Variants in SH3RF3 observed in about 807,000 individuals in gnomAD.
The protein encoded by SH3RF3 is E3 ubiquitin-protein ligase SH3RF3.
SH3RF3 carries 29 observed loss-of-function variants against 66.3 expected under a neutral mutation model. The ratio of observed to expected loss-of-function variants is 0.44; its 90% CI spans 0.33 to 0.60. The LOEUF (loss-of-function observed/expected upper bound fraction) is 0.60, where lower values mean the gene tolerates loss of function less well. SH3RF3 is among the 20% of genes least tolerant of loss of function. The pLI is 0.04. For missense variants in SH3RF3, 1,194 were observed against 1,190.9 expected, an observed-to-expected ratio of 1.00 and a Z score of -0.04; for synonymous variants, 583 against 532.0, an observed-to-expected ratio of 1.10 and a Z score of -1.32.
intron 1 of SH3RF3, among the ~76,000 whole-genome samples, chr2:109,192,042 A>G (rs182506914): frequency 6.6e-6 from 1 of 152,298 alleles, no homozygotes; most frequent in East Asian, 1.9e-4. Context: ...CAATTTGAAA[A>G]GCATTGAATT....
At chr2:109,390,980 C>G (rs1170193283) in intron 3 of SH3RF3, among the ~76,000 whole-genome samples, 1 of 152,214 alleles carries the variant, frequency 6.6e-6, no homozygotes, top group African/African-American at 2.4e-5. Flanking sequence ...CCAACTGCCC[C>G]CAAGCAGCTA....
chr2:109,257,711 CAGTT>C (rs1202740379), intron 1 of SH3RF3, among the ~76,000 whole-genome samples: 10 of 152,254 alleles, frequency 6.6e-5, no homozygotes, highest in South Asian at 6.2e-4. Context: ...CTGAAGTAGA[CAGTT>C]AGAGCTCCCT....
chr2:109,141,329 G>C (rs978579328), intron 1 of SH3RF3, among the ~76,000 whole-genome samples: 1 of 152,158 alleles, frequency 6.6e-6, no homozygotes, highest in African/African-American at 2.4e-5. Context: ...CTTTCTGGAG[G>C]CAGCCTCTCG....
At chr2:109,423,345 C>T (rs114711547) in intron 5 of SH3RF3, among the ~76,000 whole-genome samples, 1,659 of 151,134 alleles carry the variant, frequency 0.011, 27 homozygotes, top group African/African-American at 0.038. Flanking sequence ...GCAGGGATGA[C>T]CTCGCAGACC....
intron 1 of SH3RF3, among the ~76,000 whole-genome samples, chr2:109,211,129 C>T (rs776053424): frequency 1.3e-5 from 2 of 152,122 alleles, no homozygotes; most frequent in South Asian, 2.1e-4. Flanking sequence ...CTGGAGAAAA[C>T]GTTACTTGCA....
At chr2:109,401,364 G>T (rs1330504493) in intron 4 of SH3RF3, among the ~76,000 whole-genome samples, 2 of 152,210 alleles carry the variant, frequency 1.3e-5, no homozygotes, top group Admixed American at 1.3e-4. Context: ...GGCCCTTGTG[G>T]ACCACTTGGG....
rs6023961 is a variant in SH3RF3 at position 109,310,719 on chromosome 2, C to G, written c.574-36955C>G. ...TCAGAGAATACTACAAACACCTCTA[C>G]GCAAATAAACTAGAAAATCTAGAAG... On this transcript the variant is annotated intron_variant, in intron 1 of 9. Coordinates refer to ENST00000309415, the MANE Select transcript of SH3RF3 (RefSeq NM_001099289.3). Among the ~76,000 whole-genome samples the G allele has an allele frequency of 1.8e-4, 13 of 71,430 alleles. 2 individuals are homozygous for G. The highest frequency in any genetic ancestry group is 5.0e-4 in the South Asian group (1 of 2,006). 46.9% of individuals were successfully genotyped at this position (71,430 alleles called of 152,430 possible). A position where few individuals can be genotyped will look rare whatever the true frequency, so the allele number is the denominator to read the frequency against.
intron 1 of SH3RF3, among the ~76,000 whole-genome samples, chr2:109,130,718 TCTC>T (rs1676673626): frequency 6.6e-6 from 1 of 152,210 alleles, no homozygotes; most frequent in Admixed American, 6.5e-5. Context: ...GCCAAGGTCT[TCTC>T]CTGGGCTCCC....
chr2:109,447,816 A>G (rs918221745), intron 7 of SH3RF3, among the ~76,000 whole-genome samples: 2 of 152,224 alleles, frequency 1.3e-5, no homozygotes, highest in African/African-American at 4.8e-5. Context: ...GATTTTTGCA[A>G]ATGTTACAAC....
In SH3RF3 at chr2:109,435,747, AT is replaced by A. The variant is rs1463119985; in HGVS notation, c.1575-1143del. Among the ~76,000 whole-genome samples the A allele has an allele frequency of 4.6e-5, 7 of 152,238 alleles. No homozygotes were observed. The East Asian group carries it at 1.3e-3, about 29-fold the overall frequency. On this transcript the variant is annotated intron_variant, in intron 6 of 9. Coordinates refer to ENST00000309415, the MANE Select transcript of SH3RF3 (RefSeq NM_001099289.3). ...TCACCTTGCAAATTAGTGACTCATC[AT>A]TTGTGAGCCCACTTTATTTAGTTTT...
At chr2:109,275,308 G>A (rs1466701244) in intron 1 of SH3RF3, among the ~76,000 whole-genome samples, 1 of 152,118 alleles carries the variant, frequency 6.6e-6, no homozygotes, top group Non-Finnish European at 1.5e-5. Flanking sequence ...GGCACACCAG[G>A]GGAAATCAGA....
intron 8 of SH3RF3, among the ~76,000 whole-genome samples, chr2:109,456,072 C>T (rs1173995148): frequency 1.3e-5 from 2 of 152,240 alleles, no homozygotes; most frequent in Non-Finnish European, 2.9e-5. Flanking sequence ...TGATGCATCG[C>T]TGGGCTCCCA....
At chr2:109,192,835 A>C (rs1678401230) in intron 1 of SH3RF3, among the ~76,000 whole-genome samples, 1 of 152,182 alleles carries the variant, frequency 6.6e-6, no homozygotes, top group Non-Finnish European at 1.5e-5. Flanking sequence ...GCTTTGATTC[A>C]CCATACATTT....
intron 7 of SH3RF3, among the ~76,000 whole-genome samples, chr2:109,440,326 C>T (rs906808324): frequency 6.6e-6 from 1 of 152,102 alleles, no homozygotes; most frequent in African/African-American, 2.4e-5. Context: ...GGCCAGGGGC[C>T]CATGGACGCT....
At chr2:109,357,881 GTTAGTGCA>G in intron 2 of SH3RF3, among the ~76,000 whole-genome samples, 1 of 152,292 alleles carries the variant, frequency 6.6e-6, no homozygotes, top group Admixed American at 6.5e-5. Flanking sequence ...ACTCACCAGA[GTTAGTGCA>G]TTTGTTACAA....
At chr2:109,264,552 G>A (rs978165084) in intron 1 of SH3RF3, among the ~76,000 whole-genome samples, 2 of 152,278 alleles carry the variant, frequency 1.3e-5, no homozygotes, top group African/African-American at 4.8e-5. Context: ...GCCAAAGCCA[G>A]GCTTTTTGTA....
chr2:109,449,397 A>G lies in SH3RF3; in HGVS notation c.2056A>G (p.Asn686Asp). ...TPPNVSAANL[N>D]GEAGGGPIGV... ...TCCCAACGTCAGTGCCGCAAACCTCAACGGGGAGGCTGGAGGGGGGCCCAT... is the reference window on the plus strand; with the variant it reads ...TCCCAACGTCAGTGCCGCAAACCTCGACGGGGAGGCTGGAGGGGGGCCCAT... The change falls in exon 8 of 10, where the codon AAC (asparagine) becomes GAC (aspartate). Residue 686 changes from asparagine to aspartate, a missense_variant. Physicochemically the swap from Asn to Asp is conservative, Grantham distance 23 (BLOSUM62 1). Coordinates refer to ENST00000309415, the MANE Select transcript of SH3RF3 (RefSeq NM_001099289.3). The G allele has an allele frequency of 6.2e-7, 1 of 1,613,020 alleles. No homozygotes were observed.
intron 1 of SH3RF3, among the ~76,000 whole-genome samples, chr2:109,303,887 T>C (rs1179290010): frequency 6.6e-6 from 1 of 152,128 alleles, no homozygotes; most frequent in African/African-American, 2.4e-5. Context: ...TTATTAACAT[T>C]GTTATTATTT....
At chr2:109,282,141 G>A (rs914145204) in intron 1 of SH3RF3, among the ~76,000 whole-genome samples, 1 of 152,144 alleles carries the variant, frequency 6.6e-6, no homozygotes, top group Admixed American at 6.5e-5. Flanking sequence ...TCCCTAAGGA[G>A]CAGTTTCTGA....
Sources: gnomAD v4.1 joint callset for allele counts (sites outside exome capture counted in the v4.1 genomes callset) on GRCh38, gnomAD v4.1.1 for gene constraint, MANE v1.5 for transcripts, NCBI Gene and HGNC (gene_info 2026-07-23, HGNC 2026-07-21) for gene names.